Variants in TENT4B observed in about 807,000 individuals in gnomAD.
The protein encoded by TENT4B is terminal nucleotidyltransferase 4B.
TENT4B carries 10 observed loss-of-function variants against 75.0 expected under a neutral mutation model. The observed-to-expected ratio is 0.13, with a 90% CI of 0.08 to 0.23. TENT4B has a LOEUF of 0.23. Ranked by LOEUF, TENT4B falls within the 10% of genes least tolerant of loss-of-function variation. The probability of loss-of-function intolerance (pLI) is 1.00; values close to 1 mark genes in which losing one functional copy is unlikely to be tolerated. For synonymous variants in TENT4B, 350 were observed against 357.7 expected (o/e 0.98, Z 0.24); for missense variants, 579 against 893.8 (o/e 0.65, Z 4.49).
rs764639536 is a variant in TENT4B, at chr16:50,233,416, T to G, written c.*4088T>G. 1 of 985,312 alleles carries G rather than the reference T, an allele frequency of 1.0e-6. No homozygotes were observed. Among genetic ancestry groups the G allele is most frequent in the Non-Finnish European group, 1.2e-6 (1 of 829,944 alleles). 61.0% of individuals were successfully genotyped at this position (985,312 alleles called of 1,614,324 possible). ...GATTTTACTGTAGAAGTTATTTACA[T>G]GATTTGAAAACTTGACCTAACTGGA... On this transcript the variant is annotated 3_prime_UTR_variant, in exon 12 of 12. Transcript: ENST00000561678.
intron 1 of TENT4B, among the ~76,000 whole-genome samples, chr16:50,197,737 A>G (rs1181183120): frequency 1.3e-5 from 2 of 152,236 alleles, no homozygotes; most frequent in Non-Finnish European, 2.9e-5. Flanking sequence ...TGAGGTACAG[A>G]AACAGCCGGA....
chr16:50,196,628 G>A (rs185164004), intron 1 of TENT4B, among the ~76,000 whole-genome samples: 1 of 152,064 alleles, frequency 6.6e-6, no homozygotes, highest in East Asian at 1.9e-4. Context: ...AAATATGTCT[G>A]TTAAAAAGAG....
chr16:50,153,191 G>GC (rs1239651205), upstream of TENT4B, among the ~76,000 whole-genome samples: 1,555 of 124,178 alleles, frequency 0.013, 170 homozygotes, highest in African/African-American at 0.044. Flanking sequence ...GGTGGGGGGG[G>GC]GGGGCGGAGC....
rs1179850692 is a variant in TENT4B, at chr16:50,234,613, A to G, written c.*5285A>G. On this transcript the variant is annotated 3_prime_UTR_variant, in exon 12 of 12. Transcript: ENST00000561678. ...TTTTAAGATCCTCTCTGATTTTTGCATATTGAAACTTACAGAAGTCACTTT... is the reference window on the plus strand; with the variant it reads ...TTTTAAGATCCTCTCTGATTTTTGCGTATTGAAACTTACAGAAGTCACTTT... 1 of 984,656 alleles carries G rather than the reference A, an allele frequency of 1.0e-6. No homozygotes were observed. The highest frequency in any genetic ancestry group is 1.2e-6 in the Non-Finnish European group (1 of 829,346). The allele number at this position is 984,656 out of a possible 1,614,324, so 61.0% of individuals were successfully genotyped here.
rs993564124 is a variant in TENT4B, at chr16:50,154,128, G to A, written c.507G>A (p.Thr169=). ...NKRKRDNKAS[T]YGLNYSLLQP... ...GGAAGCGCGACAACAAGGCCAGCAC[G>A]TATGGACTCAACTACAGCCTGCTGC... The change falls in exon 1 of 12, where the codon ACG becomes ACA. Residue 169 remains threonine, a synonymous_variant. Transcript: ENST00000561678. 1.6e-4 allele frequency: 240 copies of A among 1,529,296 alleles called. 1 individual carries two copies. Among genetic ancestry groups the A allele is most frequent in the Non-Finnish European group, 1.9e-4 (219 of 1,144,314 alleles). The allele number at this position is 1,529,296 out of a possible 1,614,324, so 94.7% of individuals were successfully genotyped here.
At chr16:50,228,866 G>C (rs1193135939) in intron 11 of TENT4B, among the ~76,000 whole-genome samples, 1 of 152,198 alleles carries the variant, frequency 6.6e-6, no homozygotes, top group Non-Finnish European at 1.5e-5. Flanking sequence ...TGTGGTGTTT[G>C]GGTTGGTAAG....
chr16:50,169,910 G>T (rs2038174084), intron 1 of TENT4B, among the ~76,000 whole-genome samples: 1 of 152,160 alleles, frequency 6.6e-6, no homozygotes, highest in Admixed American at 6.5e-5. Flanking sequence ...GTTGGTAGCT[G>T]AAGGAAACCA....
upstream of TENT4B, chr16:50,153,000 C>T: frequency 6.6e-7 from 1 of 1,516,782 alleles, no homozygotes; most frequent in East Asian, 2.6e-5. Flanking sequence ...GGCGGAGAAG[C>T]CGCGCGCGCC....
intron 1 of TENT4B, among the ~76,000 whole-genome samples, chr16:50,192,915 C>A (rs2029943603): frequency 6.6e-6 from 1 of 152,068 alleles, no homozygotes; most frequent in Admixed American, 6.6e-5. Flanking sequence ...AACCCTGTCT[C>A]TACAAAAAAT....
intron 3 of TENT4B, 98 bp from the exon 4 acceptor site, chr16:50,215,976 TA>T: frequency 6.9e-7 from 1 of 1,440,094 alleles, no homozygotes; most frequent in Non-Finnish European, 9.5e-7. Flanking sequence ...GGGTGGGAAA[TA>T]GGTTTTAATT....
rs984722197 is a variant in TENT4B at position 50,154,159 on chromosome 16, A to G, written c.538A>G (p.Ser180Gly). ...YGLNYSLLQP[S>G]GGRAAGGGRA... ...ACTCAACTACAGCCTGCTGCAGCCC[A>G]GCGGAGGGCGGGCCGCGGGGGGCGG... The change falls in exon 1 of 12, where the codon AGC becomes GGC. Residue 180 changes from serine (S) to glycine (G), a missense_variant. Ser to Gly is a moderately conservative substitution (Grantham distance 56, BLOSUM62 0). Coordinates refer to ENST00000561678, the MANE Select transcript of TENT4B (RefSeq NM_001365324.3). 15 of 1,517,748 alleles carry G rather than the reference A, an allele frequency of 9.9e-6. No homozygotes were observed. The highest frequency in any genetic ancestry group is 1.3e-5 in the Non-Finnish European group (15 of 1,139,398). The allele number at this position is 1,517,748 out of a possible 1,614,324, so 94.0% of individuals were successfully genotyped here.
chr16:50,195,726 C>G (rs1017506587), intron 1 of TENT4B, among the ~76,000 whole-genome samples: 2 of 152,288 alleles, frequency 1.3e-5, no homozygotes, highest in East Asian at 3.9e-4. Flanking sequence ...TTAAAATTAT[C>G]AGTGTTCACA....
Position 50,153,911 on chromosome 16 carries a change from C to T in TENT4B, c.290C>T (p.Pro97Leu). The T allele has an allele frequency of 6.5e-7, 1 of 1,526,910 alleles. No individual in the cohort carries two copies. Among genetic ancestry groups the T allele is most frequent in the Non-Finnish European group, 8.7e-7 (1 of 1,143,748 alleles). The allele number at this position is 1,526,910 out of a possible 1,614,324, so 94.6% of individuals were successfully genotyped here. ...GERLLGSHAL[P>L]AEQRDFLPLE... ...CGCCTGCTGGGCAGCCACGCGCTGC[C>T]CGCGGAGCAGCGGGACTTCCTGCCC... Residue 97 changes from proline (P) to leucine (L), a missense_variant, in exon 1 of 12, where the codon CCC becomes CTC. By Grantham distance (98) the Pro-to-Leu change is moderately conservative (BLOSUM62 -3). Around this residue, in one of 7 missense-constraint regions of TENT4B, gnomAD observed 253 missense variants for 270.1 expected, o/e 0.94. Coordinates refer to ENST00000561678, the MANE Select transcript of TENT4B (RefSeq NM_001365324.3).
intron 1 of TENT4B, among the ~76,000 whole-genome samples, chr16:50,165,491 T>A (rs2150674496): frequency 1.3e-5 from 1 of 79,522 alleles, no homozygotes; most frequent in South Asian, 5.1e-4. Flanking sequence ...TCAGTGGTTT[T>A]CATATATTAG....
At chr16:50,202,809 G>A (rs2030729327) in intron 1 of TENT4B, among the ~76,000 whole-genome samples, 2 of 152,164 alleles carry the variant, frequency 1.3e-5, no homozygotes, top group African/African-American at 4.8e-5. Context: ...GCAAAAGAAA[G>A]AGGCCTGGGG....
intron 1 of TENT4B, among the ~76,000 whole-genome samples, chr16:50,164,798 C>G (rs938961165): frequency 6.6e-6 from 1 of 151,694 alleles, no homozygotes; most frequent in African/African-American, 2.4e-5. Flanking sequence ...CTGCCTGTAA[C>G]CTTGGCACTT....
chr16:50,212,909 A>G (rs1230008512), intron 2 of TENT4B, among the ~76,000 whole-genome samples: 1 of 151,990 alleles, frequency 6.6e-6, no homozygotes, highest in Non-Finnish European at 1.5e-5. Flanking sequence ...CTTAACCCTT[A>G]TCTTTCTTAG....
chr16:50,235,109 C>T lies in TENT4B; in HGVS notation c.*5781C>T, dbSNP rs2032407949. 1 of 882,174 alleles carries T rather than the reference C, an allele frequency of 1.1e-6. No homozygotes were observed. Among genetic ancestry groups the T allele is most frequent in the African/African-American group, 1.8e-5 (1 of 55,090 alleles). 54.6% of individuals were successfully genotyped at this position (882,174 alleles called of 1,614,324 possible). A position where few individuals can be genotyped will look rare whatever the true frequency, so the allele number is the denominator to read the frequency against. The stretch of plus-strand genomic sequence containing the variant: ...TTCCTGAGGCCGTATCACTGGGCAA[C>T]CAGTGATGAAAACTATGAATGAATT... On this transcript the variant is annotated 3_prime_UTR_variant, in exon 12 of 12. Transcript: ENST00000561678.
chr16:50,217,733 T>G (rs757441464), intron 5 of TENT4B, 70 bp downstream of exon 5: 16 of 926,850 alleles, frequency 1.7e-5, no homozygotes, highest in Middle Eastern at 2.2e-4. Flanking sequence ...TGTGGTGGTG[T>G]TCTAATATTT....
Sources: allele counts gnomAD v4.1 joint callset (sites outside exome capture counted in the v4.1 genomes callset), GRCh38; gene constraint gnomAD v4.1.1; regional missense constraint gnomAD v4.1.1; transcripts MANE v1.5; gene names NCBI Gene and HGNC (gene_info 2026-07-23, HGNC 2026-07-21).